The following RASA1 variants were observed in gnomAD, a reference collection of about 807,000 sequenced individuals.
RASA1 encodes the protein RAS p21 protein activator 1, also known as ras GTPase-activating protein 1.
In RASA1, 25 loss-of-function variants were observed where a neutral mutation model predicts 132.2. The observed-to-expected ratio is 0.19, with a 90% CI of 0.14 to 0.26. The LOEUF is 0.26. Ranked by LOEUF, RASA1 falls within the 10% of genes least tolerant of loss-of-function variation. The probability of loss-of-function intolerance (pLI) is 1.00; values close to 1 mark genes in which losing one functional copy is unlikely to be tolerated. For synonymous variants in RASA1, 477 were observed against 449.9 expected, an observed-to-expected ratio of 1.06 and a Z score of -0.76; for missense variants, 964 against 1,299.2, an observed-to-expected ratio of 0.74 and a Z score of 3.97.
chr5:87,355,061 A>G (rs1759550939), intron 9 of RASA1, among the ~76,000 whole-genome samples: 1 of 152,202 alleles, frequency 6.6e-6, no homozygotes, highest in Non-Finnish European at 1.5e-5. Flanking sequence ...CCATAACATA[A>G]AAGTGTACGG....
chr5:87,362,777 G>A (rs11957884), intron 10 of RASA1, 106 bp downstream of exon 10: 1 of 1,310,860 alleles, frequency 7.6e-7, no homozygotes, highest in Non-Finnish European at 1.1e-6. Flanking sequence ...TGAGTTATTA[G>A]TAATTGACAC....
chr5:87,279,405 A>G (rs1358226543), intron 1 of RASA1, among the ~76,000 whole-genome samples: 2 of 152,114 alleles, frequency 1.3e-5, no homozygotes, highest in African/African-American at 2.4e-5. Flanking sequence ...CCGTTCAGCC[A>G]TTGGGGAACA....
chr5:87,288,293 C>A (rs1561258304), intron 1 of RASA1, among the ~76,000 whole-genome samples: 1 of 151,524 alleles, frequency 6.6e-6, no homozygotes, highest in African/African-American at 2.4e-5. Flanking sequence ...TTCATTTATT[C>A]TTCTGAATAC....
At chr5:87,334,656 G>A (rs1402758950) in intron 4 of RASA1, among the ~76,000 whole-genome samples, 1 of 152,186 alleles carries the variant, frequency 6.6e-6, no homozygotes, top group Non-Finnish European at 1.5e-5. Context: ...AATCAAGGCT[G>A]TGGCACAAAA....
intron 1 of RASA1, among the ~76,000 whole-genome samples, chr5:87,303,748 T>G (rs1297184938): frequency 1.3e-5 from 2 of 151,934 alleles, no homozygotes; most frequent in South Asian, 2.1e-4. Context: ...TTCATATATA[T>G]AATTCATAAT....
chr5:87,274,590 A>G (rs1416097838), intron 1 of RASA1, among the ~76,000 whole-genome samples: 2 of 152,138 alleles, frequency 1.3e-5, no homozygotes, highest in Non-Finnish European at 2.9e-5. Context: ...CCTTTTCTCA[A>G]TGGGAGAAAA....
chr5:87,327,648 C>T (rs73156366), intron 1 of RASA1, among the ~76,000 whole-genome samples: 1 of 152,290 alleles, frequency 6.6e-6, no homozygotes, highest in African/African-American at 2.4e-5. Flanking sequence ...TCAGCCTAAA[C>T]TGTTTTCACA....
intron 1 of RASA1, among the ~76,000 whole-genome samples, chr5:87,270,596 C>T (rs1338304738): frequency 6.7e-6 from 1 of 149,348 alleles, no homozygotes; most frequent in Non-Finnish European, 1.5e-5. Flanking sequence ...ATCCGCCGGC[C>T]TCAGCCTCCC....
chr5:87,331,378 A>C lies in RASA1; in HGVS notation c.570A>C (p.Ile190=). 6.2e-7 allele frequency: 1 copy of C among 1,612,406 alleles called. No individual in the cohort carries two copies. Among genetic ancestry groups the C allele is most frequent in the Non-Finnish European group, 8.5e-7 (1 of 1,178,446 alleles). Residue 190 remains isoleucine (I), a synonymous_variant, in exon 2 of 25, where the codon ATA becomes ATC. Coordinates refer to ENST00000274376, the MANE Select transcript of RASA1 (RefSeq NM_002890.3). ...QWYHGKLDRT[I]AEERLRQAGK... is the part of the protein sequence containing the mutation. ...ATCACGGAAAACTTGACAGAACGAT[A>C]GCAGAAGAACGCCTCAGGCAGGCAG...
chr5:87,370,950 T>G (rs1417353966), intron 12 of RASA1, among the ~76,000 whole-genome samples: 1 of 152,172 alleles, frequency 6.6e-6, no homozygotes, highest in Non-Finnish European at 1.5e-5. Context: ...ATTTCACATG[T>G]AATGCACATA....
chr5:87,269,443 G>T (rs1404752154), intron 1 of RASA1, among the ~76,000 whole-genome samples: 1 of 152,174 alleles, frequency 6.6e-6, no homozygotes, highest in Non-Finnish European at 1.5e-5. Flanking sequence ...AAATGTATTG[G>T]TTAGAATGTT....
chr5:87,327,899 A>T (rs949087512), intron 1 of RASA1, among the ~76,000 whole-genome samples: 13 of 151,694 alleles, frequency 8.6e-5, no homozygotes, highest in African/African-American at 3.1e-4. Flanking sequence ...CAGGAGGCGG[A>T]GGTTGCAGTG....
intron 1 of RASA1, among the ~76,000 whole-genome samples, chr5:87,285,409 T>C (rs1455026304): frequency 6.6e-6 from 1 of 151,914 alleles, no homozygotes; most frequent in Non-Finnish European, 1.5e-5. Context: ...AATGGTATTA[T>C]CTTCCTAGTG....
intron 13 of RASA1, among the ~76,000 whole-genome samples, chr5:87,372,640 A>G (rs866478386): frequency 6.6e-6 from 1 of 152,292 alleles, no homozygotes; most frequent in African/African-American, 2.4e-5. Flanking sequence ...TGAAACTGTA[A>G]CATGCCCTAT....
chr5:87,372,345 T>G, intron 13 of RASA1, 150 bp downstream of exon 13: 1 of 702,412 alleles, frequency 1.4e-6, no homozygotes, highest in East Asian at 2.7e-5. Context: ...CGTTACTTCT[T>G]TATGAAAGAG....
At chr5:87,350,607 G>T (rs1181400781) in intron 8 of RASA1, among the ~76,000 whole-genome samples, 1 of 151,384 alleles carries the variant, frequency 6.6e-6, no homozygotes, top group Non-Finnish European at 1.5e-5. Context: ...GGTAAAACAT[G>T]TAAAGGTAGT....
intron 6 of RASA1, among the ~76,000 whole-genome samples, chr5:87,341,721 G>GTT (rs1309055793): frequency 1.4e-5 from 2 of 147,990 alleles, no homozygotes; most frequent in Non-Finnish European, 3.0e-5. Flanking sequence ...ATTCAGCAAG[G>GTT]TCTTTTTTTT....
At chr5:87,362,768 G>A (rs1760212241) in intron 10 of RASA1, 97 bp downstream of exon 10, 2 of 1,399,250 alleles carry the variant, frequency 1.4e-6, no homozygotes, top group Middle Eastern at 2.0e-4. Context: ...GTTTTGACAT[G>A]AGTTATTAGT....
intron 1 of RASA1, among the ~76,000 whole-genome samples, chr5:87,277,091 T>C (rs1754097463): frequency 6.6e-6 from 1 of 152,204 alleles, no homozygotes; most frequent in African/African-American, 2.4e-5. Context: ...TTATATAGAT[T>C]ATCTTATTTA....
Sources: gnomAD v4.1 joint callset for allele counts (sites outside exome capture counted in the v4.1 genomes callset) on GRCh38, gnomAD v4.1.1 for gene constraint, MANE v1.5 for transcripts, NCBI Gene and HGNC (gene_info 2026-07-23, HGNC 2026-07-21) for gene names.